GLG1: variants seen among roughly 807,000 people sequenced by gnomAD.
GLG1 encodes Golgi apparatus protein 1.
In GLG1, 38 loss-of-function variants were observed where a neutral mutation model predicts 160.5. The ratio of observed to expected loss-of-function variants is 0.24; its 90% CI spans 0.18 to 0.31. The LOEUF (loss-of-function observed/expected upper bound fraction) is 0.31, where lower values mean the gene tolerates loss of function less well. GLG1 is among the 10% of genes least tolerant of loss of function. The pLI is 1.00. For missense variants in GLG1, 1,373 were observed against 1,505.2 expected (o/e 0.91, Z 1.45); for synonymous variants, 644 against 543.4 (o/e 1.19, Z -2.57).
At chr16:74,503,864 GA>G (rs1567487548) in intron 3 of GLG1, 118 bp from the exon 4 acceptor site, 1 of 660,496 alleles carries the variant, frequency 1.5e-6, no homozygotes, top group Non-Finnish European at 2.6e-6. Context: ...TTACTTGGAA[GA>G]AAAAAAGAAA....
chr16:74,457,644 T>G (rs979023992), intron 24 of GLG1, among the ~76,000 whole-genome samples: 2 of 152,162 alleles, frequency 1.3e-5, no homozygotes, highest in African/African-American at 4.8e-5. Context: ...CATCAAATCT[T>G]TAGCTCCAGT....
rs1171447583 is a variant in GLG1, at chr16:74,449,937, G to C, written c.*3230C>G. Reference sequence around the variant, plus strand: ...GCCTCACAGAGCTCCCCATCTGTGGGAGAAGCTCCATTGTGAACAGTTCGT... The same window carrying C: ...GCCTCACAGAGCTCCCCATCTGTGGCAGAAGCTCCATTGTGAACAGTTCGT... On this transcript the variant is annotated 3_prime_UTR_variant, in exon 26 of 26. Transcript: ENST00000422840. The C allele has an allele frequency of 6.6e-6, 1 of 152,268 alleles. No individual in the cohort carries two copies. The allele number at this position is 152,268 out of a possible 1,614,324, so 9.4% of individuals were successfully genotyped here. A position where few individuals can be genotyped will look rare whatever the true frequency, so the allele number is the denominator to read the frequency against.
rs867570867 is a variant in GLG1 at position 74,598,297 on chromosome 16, G to A, written c.438+8360C>T. Among the ~76,000 whole-genome samples the A allele has an allele frequency of 3.1e-3, 474 of 151,920 alleles. 4 individuals carry two copies. The highest frequency in any genetic ancestry group is 0.011 in the African/African-American group (457 of 41,468). On this transcript the variant is annotated intron_variant, in intron 1 of 25. Coordinates refer to ENST00000422840, the MANE Select transcript of GLG1 (RefSeq NM_001145667.2). ...AGCACTTTGGGAGGCCAAGGCGGGC[G>A]GATCACGAGGTCAAGAGATCAAGAC...
chr16:74,454,673 A>C (rs1292744430), intron 25 of GLG1, among the ~76,000 whole-genome samples: 4 of 131,184 alleles, frequency 3.0e-5, no homozygotes, highest in Non-Finnish European at 4.7e-5. Flanking sequence ...CCCCAAAAAA[A>C]AAAAAAAAAA....
Position 74,452,165 on chromosome 16 carries a change from G to A in GLG1, c.*1002C>T, listed in dbSNP as rs1394470457. Reference sequence around the variant, plus strand: ...TAAAGCAAAGTGAGTCAAACCTCTGGCTCCCACTTCCTGACCCACTGCTCC... The same window carrying A: ...TAAAGCAAAGTGAGTCAAACCTCTGACTCCCACTTCCTGACCCACTGCTCC... On this transcript the variant is annotated 3_prime_UTR_variant, in exon 26 of 26. Transcript: ENST00000422840. The A allele has an allele frequency of 6.2e-7, 1 of 1,610,502 alleles. No homozygotes were observed. The highest frequency in any genetic ancestry group is 1.7e-5 in the Admixed American group (1 of 59,590).
At chr16:74,582,762 G>A (rs1040347432) in intron 1 of GLG1, among the ~76,000 whole-genome samples, 8 of 151,886 alleles carry the variant, frequency 5.3e-5, no homozygotes, top group Non-Finnish European at 1.2e-4. Flanking sequence ...GAGCTTGACA[G>A]TGAGCCGAGA....
rs369890741 is a variant in GLG1 at position 74,606,689 on chromosome 16, C to A, written c.406G>T (p.Ala136Ser). 2.5e-6 allele frequency: 4 copies of A among 1,600,378 alleles called. No individual in the cohort carries two copies. The African/African-American group carries it at 5.4e-5, about 21-fold the overall frequency. Residue 136 changes from alanine (A) to serine (S), a missense_variant, in exon 1 of 26, where the codon GCG becomes TCG. Ala to Ser is a moderately conservative substitution (Grantham distance 99). Transcript: ENST00000422840. ...ACATCCTGCAGGCACTCGAGCACCG[C>A]CAGGTTGTTGCTCCAGGTGTGCTTA... ...CPKHTWSNNL[A>S]VLECLQDVRE...
At position 74,457,922 on chromosome 16, in the gene GLG1, G is replaced by A. The variant is rs868019912; in HGVS notation, c.3217C>T (p.Leu1073=). 9 of 1,613,818 alleles carry A rather than the reference G, an allele frequency of 5.6e-6. No homozygotes were observed. Among genetic ancestry groups the A allele is most frequent in the Middle Eastern group, 1.6e-4 (1 of 6,084 alleles). The part of the protein sequence containing the change: ...VDPVLHTACA[L]DIKHHCAAIT... ...GCTGCGCAGTGGTGTTTAATGTCCAGGGCACAAGCAGTATGAAGTACCGGG... is the reference window on the plus strand; with the variant it reads ...GCTGCGCAGTGGTGTTTAATGTCCAAGGCACAAGCAGTATGAAGTACCGGG... Residue 1073 remains leucine (L), a synonymous_variant, in exon 24 of 26, where the codon CTG becomes TTG. Transcript: ENST00000422840.
chr16:74,464,638 G>A (rs1448365867), intron 19 of GLG1, among the ~76,000 whole-genome samples: 2 of 152,054 alleles, frequency 1.3e-5, no homozygotes, highest in Non-Finnish European at 2.9e-5. Flanking sequence ...CTGACTTTTA[G>A]AAAATTTTCC....
chr16:74,566,475 CT>C (rs1242158951), intron 1 of GLG1, among the ~76,000 whole-genome samples: 7 of 152,272 alleles, frequency 4.6e-5, no homozygotes, highest in African/African-American at 1.2e-4. Context: ...TCCTGTATGT[CT>C]CATATTTTAA....
chr16:74,509,336 A>C (rs1476887995), intron 2 of GLG1, among the ~76,000 whole-genome samples: 8 of 151,992 alleles, frequency 5.3e-5, no homozygotes, highest in Non-Finnish European at 8.8e-5. Context: ...AGTCAAGAAA[A>C]AATGAAAAAT....
chr16:74,481,028 T>A (rs1246985754), intron 10 of GLG1, among the ~76,000 whole-genome samples: 1 of 152,186 alleles, frequency 6.6e-6, no homozygotes, highest in East Asian at 1.9e-4. Flanking sequence ...ATGCCCTGGG[T>A]GAAAACAGAA....
At chr16:74,524,832 A>G (rs940222954) in intron 2 of GLG1, among the ~76,000 whole-genome samples, 1 of 152,184 alleles carries the variant, frequency 6.6e-6, no homozygotes, top group African/African-American at 2.4e-5. Context: ...TATTTCCCCA[A>G]AAGAAACTCT....
chr16:74,452,962 A>AGCT lies in GLG1; in HGVS notation c.*202_*204dup. The AGCT allele has an allele frequency of 3.1e-6, 4 of 1,270,744 alleles. No homozygotes were observed. Among genetic ancestry groups the AGCT allele is most frequent in the South Asian group, 3.0e-5 (1 of 33,422 alleles). 78.7% of individuals were successfully genotyped at this position (1,270,744 alleles called of 1,614,324 possible). ...AACAAAGGCAGTAACCCCAGCGACC[A>AGCT]GCTGCTGCTGCTGCACGGTGAGGAG... On this transcript the variant is annotated 3_prime_UTR_variant, in exon 26 of 26. Coordinates refer to ENST00000422840, the MANE Select transcript of GLG1 (RefSeq NM_001145667.2).
chr16:74,541,534 T>C (rs998887438), intron 1 of GLG1, among the ~76,000 whole-genome samples: 1 of 152,198 alleles, frequency 6.6e-6, no homozygotes, highest in Non-Finnish European at 1.5e-5. Flanking sequence ...GCTTCAAATT[T>C]TGTGTAGATA....
At chr16:74,532,193 A>AAAT (rs2017557663) in intron 1 of GLG1, 40 bp from the exon 2 acceptor site, 1 of 324,822 alleles carries the variant, frequency 3.1e-6, no homozygotes, top group Non-Finnish European at 4.5e-6. Context: ...TAAAAAAAAA[A>AAAT]ATATATATAT....
chr16:74,486,255 G>A (rs546324837), intron 8 of GLG1, among the ~76,000 whole-genome samples: 15 of 152,240 alleles, frequency 9.9e-5, no homozygotes, highest in South Asian at 8.3e-4. Context: ...GGTGCTCCCG[G>A]CAAAGCCAGA....
chr16:74,524,877 C>A (rs2017287528), intron 2 of GLG1, among the ~76,000 whole-genome samples: 2 of 152,188 alleles, frequency 1.3e-5, no homozygotes, highest in African/African-American at 4.8e-5. Context: ...TTCCCCACTT[C>A]TCTGAGTTCC....
chr16:74,498,800 G>A (rs1168087186), intron 4 of GLG1, among the ~76,000 whole-genome samples: 2 of 128,640 alleles, frequency 1.6e-5, no homozygotes, highest in African/African-American at 5.8e-5. Context: ...GGGAGGCGGA[G>A]GTTGCAGTGA....
Sources: allele counts gnomAD v4.1 joint callset (sites outside exome capture counted in the v4.1 genomes callset), GRCh38; gene constraint gnomAD v4.1.1; transcripts MANE v1.5; gene names NCBI Gene and HGNC (gene_info 2026-07-23, HGNC 2026-07-21).